PTK2: variants seen among roughly 807,000 people sequenced by gnomAD.
The protein encoded by PTK2 is focal adhesion kinase 1.
Under a neutral mutation model 150.1 loss-of-function variants are expected in PTK2, and 45 were observed. The observed-to-expected ratio is 0.30, with a 90% CI of 0.24 to 0.38. The LOEUF (loss-of-function observed/expected upper bound fraction) is 0.38, where lower values mean the gene tolerates loss of function less well. Ranked by LOEUF, PTK2 falls within the 10% of genes least tolerant of loss-of-function variation. PTK2 has a pLI of 1.00. For synonymous variants in PTK2, 432 were observed against 449.2 expected, an observed-to-expected ratio of 0.96 and a Z score of 0.48; for missense variants, 919 against 1,307.3, an observed-to-expected ratio of 0.70 and a Z score of 4.58.
intron 1 of PTK2, among the ~76,000 whole-genome samples, chr8:140,997,466 C>G (rs900069681): frequency 6.6e-6 from 1 of 152,156 alleles, no homozygotes; most frequent in East Asian, 1.9e-4. Flanking sequence ...AATGAAAGAA[C>G]GAGCCAACTG....
intron 17 of PTK2, among the ~76,000 whole-genome samples, chr8:140,748,878 T>C (rs1456506524): frequency 6.6e-6 from 1 of 152,220 alleles, no homozygotes. Context: ...CCTGGTCCAG[T>C]GGGTCCAAAA....
intron 5 of PTK2, among the ~76,000 whole-genome samples, chr8:140,853,193 C>CTT (rs111550228): frequency 1.8e-3 from 206 of 113,662 alleles, no homozygotes; most frequent in African/African-American, 5.2e-3. Flanking sequence ...ATGTCACACT[C>CTT]TTTTTTTTTT....
In PTK2 at chr8:140,792,205, T is replaced by C. The variant is rs191008599; in HGVS notation, c.1124+1149A>G. 6.6e-5 allele frequency among the ~76,000 whole-genome samples: 10 copies of C among 152,332 alleles called. No individual in the cohort carries two copies. In the East Asian group the frequency reaches 1.9e-3, roughly 29 times the overall value. ...TATGGTACACTATGCCTAAAATGTTTGTACAAAAAATGTGGTTTATGCTGA... is the reference window on the plus strand; with the variant it reads ...TATGGTACACTATGCCTAAAATGTTCGTACAAAAAATGTGGTTTATGCTGA... On this transcript the variant is annotated intron_variant, in intron 13 of 31. Coordinates refer to ENST00000522684, the Ensembl canonical transcript of PTK2.
chr8:140,786,133 T>C (rs1420873948), intron 14 of PTK2, among the ~76,000 whole-genome samples: 1 of 152,204 alleles, frequency 6.6e-6, no homozygotes, highest in Non-Finnish European at 1.5e-5. Flanking sequence ...GCCGGATTAA[T>C]GTAAAACAGA....
chr8:140,732,448 G>A (rs2100050017), intron 22 of PTK2: 1 of 438,076 alleles, frequency 2.3e-6, no homozygotes, highest in Admixed American at 3.2e-5. Flanking sequence ...TACCTCAGTG[G>A]AGCATTCCTT....
chr8:140,993,489 C>T (rs2100196510), intron 1 of PTK2, among the ~76,000 whole-genome samples: 1 of 152,162 alleles, frequency 6.6e-6, no homozygotes, highest in Admixed American at 6.5e-5. Context: ...AAAGTTTATG[C>T]CCTCGTGGAG....
At chr8:140,779,436 G>C (rs1480005391) in intron 14 of PTK2, among the ~76,000 whole-genome samples, 1 of 152,032 alleles carries the variant, frequency 6.6e-6, no homozygotes, top group African/African-American at 2.4e-5. Flanking sequence ...TTTTGAGGGA[G>C]AGTAGTCTGG....
intron 27 of PTK2, among the ~76,000 whole-genome samples, chr8:140,684,947 G>A (rs1480592785): frequency 6.6e-6 from 1 of 152,084 alleles, no homozygotes; most frequent in African/African-American, 2.4e-5. Context: ...GCAATCCTAA[G>A]CAAAAAGAAC....
chr8:140,734,559 A>C (rs941944743), intron 22 of PTK2: 4 of 354,130 alleles, frequency 1.1e-5, no homozygotes, highest in Admixed American at 7.2e-5. Flanking sequence ...GAGTATGCAC[A>C]TGCTTCTCTG....
intron 22 of PTK2, among the ~76,000 whole-genome samples, chr8:140,729,265 AAACAAAAACTCCC>A (rs1238430457): frequency 2.0e-5 from 3 of 152,196 alleles, no homozygotes; most frequent in Non-Finnish European, 4.4e-5. Context: ...CAAAAACTCC[AAACAAAAACTCCC>A]AACACCCCCC....
chr8:140,950,891 A>G (rs1449553345), intron 1 of PTK2, among the ~76,000 whole-genome samples: 3 of 152,154 alleles, frequency 2.0e-5, no homozygotes, highest in Non-Finnish European at 4.4e-5. Context: ...AGATTTTGGT[A>G]TCTTGGGGGA....
At chr8:140,814,992 T>C (rs2100103821) in intron 10 of PTK2, among the ~76,000 whole-genome samples, 1 of 152,088 alleles carries the variant, frequency 6.6e-6, no homozygotes, top group Non-Finnish European at 1.5e-5. Flanking sequence ...GCCAGGATGG[T>C]CTCCATCTCC....
chr8:140,980,644 A>G (rs1197396598), intron 1 of PTK2, among the ~76,000 whole-genome samples: 1 of 152,078 alleles, frequency 6.6e-6, no homozygotes, highest in Non-Finnish European at 1.5e-5. Context: ...AATAAAATAA[A>G]GTTCAAAACA....
chr8:140,953,417 C>A (rs2100180156), intron 1 of PTK2, among the ~76,000 whole-genome samples: 1 of 152,194 alleles, frequency 6.6e-6, no homozygotes, highest in African/African-American at 2.4e-5. Flanking sequence ...TACTTGAACA[C>A]AAGCACTGTC....
At chr8:140,974,306 C>T (rs374806174) in intron 1 of PTK2, among the ~76,000 whole-genome samples, 5 of 152,172 alleles carry the variant, frequency 3.3e-5, no homozygotes, top group Non-Finnish European at 5.9e-5. Context: ...GGAAACTACA[C>T]TCATTTATGG....
intron 1 of PTK2, among the ~76,000 whole-genome samples, chr8:140,995,066 A>G (rs2100197095): frequency 1.4e-5 from 2 of 146,710 alleles, no homozygotes; most frequent in Admixed American, 6.9e-5. Context: ...CTGGGCAACA[A>G]GAGTGAAACT....
chr8:140,962,356 T>C (rs888402936), intron 1 of PTK2, among the ~76,000 whole-genome samples: 5 of 152,132 alleles, frequency 3.3e-5, no homozygotes, highest in African/African-American at 1.2e-4. Flanking sequence ...CTTGCTGTTT[T>C]GTGTGGCAAT....
intron 31 of PTK2, chr8:140,660,468 A>AATTTCAGC (rs1279243404): frequency 1.5e-5 from 6 of 397,320 alleles, no homozygotes; most frequent in African/African-American, 4.1e-5. Context: ...ACTCCTGTAC[A>AATTTCAGC]ATTTCAGCAC....
chr8:140,694,391 G>C (rs1031426307), intron 26 of PTK2, among the ~76,000 whole-genome samples: 1 of 151,894 alleles, frequency 6.6e-6, no homozygotes, highest in African/African-American at 2.4e-5. Context: ...GTAATTTTTG[G>C]GCTGTCAAAA....
Sources: allele counts gnomAD v4.1 joint callset (sites outside exome capture counted in the v4.1 genomes callset), GRCh38; gene constraint gnomAD v4.1.1; transcripts MANE v1.5; gene names NCBI Gene and HGNC (gene_info 2026-07-23, HGNC 2026-07-21).